The following SLC27A2 variants were observed in gnomAD, a reference collection of about 807,000 sequenced individuals.
The protein encoded by SLC27A2 is solute carrier family 27 member 2.
In SLC27A2, 54 loss-of-function variants were observed where a neutral mutation model predicts 60.0. That is an observed-to-expected ratio of 0.90 (90% CI 0.72 to 1.13). SLC27A2 has a LOEUF of 1.13. Ranked by LOEUF, SLC27A2 falls within the 50% of genes most tolerant of loss-of-function variation. The pLI, the probability that SLC27A2 is intolerant of heterozygous loss-of-function variation, is 0.00. For synonymous variants in SLC27A2, 297 were observed against 297.6 expected (o/e 1.00, Z 0.02); for missense variants, 739 against 777.6 (o/e 0.95, Z 0.59).
rs2045283901 is a variant in SLC27A2 at position 50,227,099 on chromosome 15, T to C, written c.1378T>C (p.Tyr460His). 6.2e-7 allele frequency: 1 copy of C among 1,613,950 alleles called. No individual in the cohort carries two copies. The highest frequency in any genetic ancestry group is 8.5e-7 in the Non-Finnish European group (1 of 1,179,880). Residue 460 changes from tyrosine (Y) to histidine (H), a missense_variant, in exon 7 of 10, where the codon TAT becomes CAT. Transcript: ENST00000267842. ...LRDVFKKGDLYFNSGDLLMVD... is the reference protein window; with the variant it reads ...LRDVFKKGDLHFNSGDLLMVD... ...AGATGTCTTTAAGAAAGGAGACCTC[T>C]ATTTCAACAGTGGAGATCTCTTAAT...
intron 4 of SLC27A2, among the ~76,000 whole-genome samples, chr15:50,221,528 GT>G (rs2045242102): frequency 6.6e-6 from 1 of 152,212 alleles, no homozygotes; most frequent in Admixed American, 6.5e-5. Flanking sequence ...CCAATTCAGA[GT>G]TTGCCTTGGT....
rs187330253 is a variant in SLC27A2 at position 50,190,633 on chromosome 15, G to A, written c.479-6867G>A. ...CTTTTTCCTTAAAAAAAAAAAAAAAGGCAGGGGCAGACTTAATATGCTACC... is the reference window on the plus strand; with the variant it reads ...CTTTTTCCTTAAAAAAAAAAAAAAAAGCAGGGGCAGACTTAATATGCTACC... On this transcript the variant is annotated intron_variant, in intron 1 of 9. Transcript: ENST00000267842. Among the ~76,000 whole-genome samples the A allele has an allele frequency of 6.0e-3, 833 of 139,500 alleles. 10 individuals are homozygous for A. The highest frequency in any genetic ancestry group is 0.021 in the African/African-American group (785 of 37,342). 91.5% of individuals were successfully genotyped at this position (139,500 alleles called of 152,430 possible). A position where few individuals can be genotyped will look rare whatever the true frequency, so the allele number is the denominator to read the frequency against.
At chr15:50,185,565 A>G (rs924994466) in intron 1 of SLC27A2, among the ~76,000 whole-genome samples, 2 of 151,986 alleles carry the variant, frequency 1.3e-5, no homozygotes, top group African/African-American at 4.8e-5. Flanking sequence ...TATACTTTAA[A>G]AAAAAAAGTT....
At chr15:50,188,837 G>A (rs1443990974) in intron 1 of SLC27A2, among the ~76,000 whole-genome samples, 7 of 152,092 alleles carry the variant, frequency 4.6e-5, no homozygotes, top group African/African-American at 1.2e-4. Context: ...GCGGGCATCC[G>A]TAATCCCAGC....
chr15:50,182,621 A>G lies in SLC27A2; in HGVS notation c.194A>G (p.Gln65Arg). 6.2e-7 allele frequency: 1 copy of G among 1,613,894 alleles called. No individual in the cohort carries two copies. The highest frequency in any genetic ancestry group is 2.2e-5 in the East Asian group (1 of 44,852). Residue 65 changes from glutamine (Q) to arginine (R), a missense_variant, in exon 1 of 10, where the codon CAG (glutamine) becomes CGG (arginine). By Grantham distance (43) the Gln-to-Arg change is conservative. Coordinates refer to ENST00000267842, the MANE Select transcript of SLC27A2 (RefSeq NM_003645.4). ...CGGGCGTTCCTGGAGAAAGCGCGCC[A>G]GACGCCACACAAGCCTTTTCTGCTC... ...ILRAFLEKAR[Q>R]TPHKPFLLFR...
Position 50,197,479 on chromosome 15 carries a change from TA to T in SLC27A2, c.479-20del, listed in dbSNP as rs762218755. On this transcript the variant is annotated intron_variant, in intron 1 of 9. Coordinates refer to ENST00000267842, the MANE Select transcript of SLC27A2 (RefSeq NM_003645.4). ...AATAGACTGATTTAGTTTGTTTTGA[TA>T]TTTTTCTTATTAAATTAAGAACTAC... The T allele has an allele frequency of 4.7e-5, 74 of 1,582,124 alleles. No homozygotes were observed. Among genetic ancestry groups the T allele is most frequent in the Non-Finnish European group, 6.4e-5 (74 of 1,152,136 alleles).
At chr15:50,221,766 GT>G (rs1404572347) in intron 4 of SLC27A2, 1 of 152,204 alleles carries the variant, frequency 6.6e-6, no homozygotes, top group African/African-American at 2.4e-5. Context: ...TAGAATAAAG[GT>G]CATAGAGTAA....
At chr15:50,188,029 C>G (rs2044939961) in intron 1 of SLC27A2, among the ~76,000 whole-genome samples, 1 of 150,970 alleles carries the variant, frequency 6.6e-6, no homozygotes, top group Non-Finnish European at 1.5e-5. Context: ...TTCTCTGTGC[C>G]ATGATGGGAT....
rs1482530353 is a variant in SLC27A2 at position 50,235,969 on chromosome 15, TGGA to T, written c.1742_1744del (p.Glu581del). 7 of 1,613,896 alleles carry T rather than the reference TGGA, an allele frequency of 4.3e-6. No individual in the cohort carries two copies. The East Asian group carries it at 1.6e-4, about 36-fold the overall frequency. The stretch of plus-strand genomic sequence containing the variant: ...TTTAAACACCGCAAAATGACCCTGG[TGGA>T]GGAGGGCTTTAACCCTGCTGTCATC... On this transcript the variant is annotated inframe_deletion, in exon 10 of 10. Coordinates refer to ENST00000267842, the MANE Select transcript of SLC27A2 (RefSeq NM_003645.4).
intron 5 of SLC27A2, among the ~76,000 whole-genome samples, chr15:50,225,478 A>G (rs2045272212): frequency 6.6e-6 from 1 of 152,242 alleles, no homozygotes. Context: ...ATATTAATAT[A>G]AGGTTATACA....
chr15:50,187,552 A>T (rs563828820), intron 1 of SLC27A2, among the ~76,000 whole-genome samples: 1 of 152,292 alleles, frequency 6.6e-6, no homozygotes, highest in Admixed American at 6.5e-5. Flanking sequence ...GGGTCCCTTC[A>T]TCAGCTCACT....
At chr15:50,229,842 T>C (rs2045304672) in intron 8 of SLC27A2, among the ~76,000 whole-genome samples, 1 of 152,146 alleles carries the variant, frequency 6.6e-6, no homozygotes, top group Admixed American at 6.6e-5. Flanking sequence ...CCCCCACAAC[T>C]CATATTTGGG....
chr15:50,231,684 A>G (rs909775250), intron 8 of SLC27A2, among the ~76,000 whole-genome samples: 1 of 152,158 alleles, frequency 6.6e-6, no homozygotes, highest in African/African-American at 2.4e-5. Context: ...TTCCCAAGTG[A>G]ATCTAATGAT....
chr15:50,232,004 T>G (rs752158565), intron 8 of SLC27A2, among the ~76,000 whole-genome samples: 4 of 152,204 alleles, frequency 2.6e-5, no homozygotes, highest in Non-Finnish European at 5.9e-5. Flanking sequence ...AGTGAAAGAT[T>G]AGAGATAAAT....
At chr15:50,222,606 T>C (rs2045251096) in intron 4 of SLC27A2, among the ~76,000 whole-genome samples, 1 of 152,184 alleles carries the variant, frequency 6.6e-6, no homozygotes, top group Admixed American at 6.5e-5. Flanking sequence ...ACTATGAACA[T>C]ATTATACACA....
At chr15:50,201,262 G>A (rs1351441238) in intron 2 of SLC27A2, among the ~76,000 whole-genome samples, 5 of 152,108 alleles carry the variant, frequency 3.3e-5, no homozygotes, top group Non-Finnish European at 7.4e-5. Flanking sequence ...GGGATTACAG[G>A]ACTGGCCAAC....
chr15:50,214,600 T>C (rs2045181943), intron 4 of SLC27A2, among the ~76,000 whole-genome samples: 1 of 152,018 alleles, frequency 6.6e-6, no homozygotes, highest in Admixed American at 6.6e-5. Context: ...TCCAACAACA[T>C]ATCAAAAAGA....
chr15:50,235,823 G>T, intron 9 of SLC27A2, 97 bp from the exon 10 acceptor site: 2 of 833,474 alleles, frequency 2.4e-6, no homozygotes, highest in Non-Finnish European at 3.7e-6. Context: ...GGATGCTAAT[G>T]ATTTGCTAGA....
intron 3 of SLC27A2, 31 bp from the exon 4 acceptor site, chr15:50,205,207 CT>C (rs754517772): frequency 6.4e-7 from 1 of 1,565,192 alleles, no homozygotes; most frequent in South Asian, 1.2e-5. Flanking sequence ...TCCACCATTT[CT>C]TTCTTGACAC....
Sources: gnomAD v4.1 joint callset for allele counts (sites outside exome capture counted in the v4.1 genomes callset) on GRCh38, gnomAD v4.1.1 for gene constraint, MANE v1.5 for transcripts, NCBI Gene and HGNC (gene_info 2026-07-23, HGNC 2026-07-21) for gene names.